Variants in DAB2 observed in about 807,000 individuals in gnomAD.
DAB2 encodes disabled homolog 2.
DAB2 carries 28 observed loss-of-function variants against 71.6 expected under a neutral mutation model. The ratio of observed to expected loss-of-function variants is 0.39; its 90% CI spans 0.29 to 0.54. The LOEUF is 0.54. DAB2 is among the 20% of genes least tolerant of loss of function. The pLI, the probability that DAB2 is intolerant of heterozygous loss-of-function variation, is 0.68. For synonymous variants in DAB2, 345 were observed against 339.7 expected (o/e 1.02, Z -0.17); for missense variants, 867 against 928.8 (o/e 0.93, Z 0.86).
intron 1 of DAB2, among the ~76,000 whole-genome samples, chr5:39,416,852 G>A (rs542289734): frequency 5.3e-5 from 8 of 152,160 alleles, no homozygotes; most frequent in East Asian, 1.9e-4. Flanking sequence ...TGAGCAGTGC[G>A]CTTAAAACAT....
Position 39,382,956 on chromosome 5 carries a change from G to A in DAB2, c.1003C>T (p.Pro335Ser), listed in dbSNP as rs145888939. 9.9e-4 allele frequency: 1,595 copies of A among 1,614,098 alleles called. 3 individuals are homozygous for A. The highest frequency in any genetic ancestry group is 1.3e-3 in the Non-Finnish European group (1,505 of 1,180,010). The change falls in exon 10 of 15, where the codon CCC becomes TCC. Residue 335 changes from proline to serine, a missense_variant. Transcript: ENST00000320816. The part of the protein sequence containing the change: ...SSSSTPLSNG[P>S]LNGDVDYFGQ... ...AAGTAGTCAACATCACCATTCAGGG[G>A]CCCATTACTCAGCGGAGTAGACGAG... is the stretch of plus-strand genomic sequence containing the variant.
intron 5 of DAB2, 69 bp from the exon 6 acceptor site, chr5:39,390,001 AT>A (rs1322702786): frequency 9.0e-7 from 1 of 1,115,952 alleles, no homozygotes; most frequent in African/African-American, 1.6e-5. Flanking sequence ...TCTGCTATCA[AT>A]TATAATTCAT....
rs377623856 is a variant in DAB2, at chr5:39,390,767, G to A, written c.331-192C>T. 1.4e-3 allele frequency among the ~76,000 whole-genome samples: 206 copies of A among 152,242 alleles called. 11 individuals are homozygous for A. The South Asian group carries it at 0.04, about 29-fold the overall frequency. ...AAAGGGCTCAAAAGAAAGAAGAATA[G>A]AAAACGTAAGTGGGAAGAATGTTCC... is the stretch of plus-strand genomic sequence containing the variant. On this transcript the variant is annotated intron_variant, in intron 4 of 14. Coordinates refer to ENST00000320816, the MANE Select transcript of DAB2 (RefSeq NM_001343.4).
chr5:39,389,971 T>A, intron 5 of DAB2, 39 bp from the exon 6 acceptor site: 1 of 1,360,712 alleles, frequency 7.3e-7, no homozygotes, highest in Non-Finnish European at 1.0e-6. Context: ...TATTTTAATT[T>A]TAGTATTTTA....
chr5:39,412,246 A>T (rs1452167975), intron 1 of DAB2, among the ~76,000 whole-genome samples: 1 of 152,076 alleles, frequency 6.6e-6, no homozygotes, highest in Non-Finnish European at 1.5e-5. Flanking sequence ...TGAAACCATG[A>T]TTATGACAAA....
chr5:39,375,890 A>T (rs1437751792), intron 13 of DAB2, 107 bp downstream of exon 13: 1 of 850,656 alleles, frequency 1.2e-6, no homozygotes, highest in Non-Finnish European at 1.8e-6. Context: ...TGTCTTAAAA[A>T]AATAAATAAA....
chr5:39,377,004 G>A lies in DAB2; in HGVS notation c.1783C>T (p.Gln595Ter). The A allele has an allele frequency of 6.2e-7, 1 of 1,614,108 alleles. No individual in the cohort carries two copies. Among genetic ancestry groups the A allele is most frequent in the Non-Finnish European group, 8.5e-7 (1 of 1,180,026 alleles). The change falls in exon 12 of 15, where the codon CAG (glutamine) becomes TAG (stop). Residue 595 changes from glutamine to a stop codon, truncating the protein, a stop_gained. Coordinates refer to ENST00000320816, the MANE Select transcript of DAB2 (RefSeq NM_001343.4). LOFTEE classifies it high-confidence loss of function. The stretch of plus-strand genomic sequence containing the variant: ...GCAGGAGCTGGAAAAATATTGCTCT[G>A]AAAAGGATTCCCCAAAGGGCTTGTT... ...STTSPLGNPFQSNIFPAPAVS... is the reference protein window; with the variant it reads ...STTSPLGNPF
At position 39,376,799 on chromosome 5, in the gene DAB2, G is replaced by A; in HGVS notation, c.1988C>T (p.Pro663Leu). ...EMFKDFQLRQ[P>L]PAVPARKGEQ... ...TCCCTTCCGCGCGGGCACAGCAGGTGGCTGCCGCAGTTGGAAATCCTTAAA... is the reference window on the plus strand; with the variant it reads ...TCCCTTCCGCGCGGGCACAGCAGGTAGCTGCCGCAGTTGGAAATCCTTAAA... Residue 663 changes from proline (P) to leucine (L), a missense_variant, in exon 12 of 15, where the codon CCA (proline) becomes CTA (leucine). Physicochemically the swap from Pro to Leu is moderately conservative, Grantham distance 98. Transcript: ENST00000320816. The A allele has an allele frequency of 6.2e-7, 1 of 1,614,130 alleles. No individual in the cohort carries two copies. The highest frequency in any genetic ancestry group is 8.5e-7 in the Non-Finnish European group (1 of 1,180,018).
intron 9 of DAB2, among the ~76,000 whole-genome samples, chr5:39,384,468 C>G (rs1755051224): frequency 6.6e-6 from 1 of 152,164 alleles, no homozygotes; most frequent in South Asian, 2.1e-4. Flanking sequence ...AGGTTGACCA[C>G]AGACTTAATT....
intron 5 of DAB2, 62 bp from the exon 6 acceptor site, chr5:39,389,994 G>T: frequency 8.6e-7 from 1 of 1,168,746 alleles, no homozygotes; most frequent in South Asian, 1.5e-5. Flanking sequence ...TCCTTTGTCT[G>T]CTATCAATTA....
intron 1 of DAB2, chr5:39,417,214 T>A (rs557249835): frequency 2.0e-5 from 3 of 152,066 alleles, no homozygotes; most frequent in African/African-American, 7.2e-5. Context: ...GGTTGATGGA[T>A]GCAGCAAACC....
At chr5:39,396,772 G>T (rs889049571) in intron 1 of DAB2, among the ~76,000 whole-genome samples, 6 of 152,208 alleles carry the variant, frequency 3.9e-5, no homozygotes, top group African/African-American at 1.4e-4. Context: ...TTTGGGGAGA[G>T]GGTGAGAACA....
intron 1 of DAB2, among the ~76,000 whole-genome samples, chr5:39,402,572 A>G (rs1217948753): frequency 6.6e-6 from 1 of 152,062 alleles, no homozygotes; most frequent in Non-Finnish European, 1.5e-5. Flanking sequence ...ATCAGCCACC[A>G]CACCTGGCCA....
In DAB2 at chr5:39,382,860, A is replaced by G. The variant is rs1370030941; in HGVS notation, c.1099T>C (p.Ser367Pro). 1 of 1,613,998 alleles carries G rather than the reference A, an allele frequency of 6.2e-7. No homozygotes were observed. Among genetic ancestry groups the G allele is most frequent in the East Asian group, 2.2e-5 (1 of 44,886 alleles). Residue 367 changes from serine to proline, a missense_variant, in exon 10 of 15, where the codon TCA becomes CCA. Ser to Pro is a moderately conservative substitution (Grantham distance 74, BLOSUM62 -1). Transcript: ENST00000320816. ...QEAQAGPWPFSSSQTQPAVRT... is the reference protein window; with the variant it reads ...QEAQAGPWPFPSSQTQPAVRT... ...ACTGCTGGCTGGGTTTGCGAACTTG[A>G]AAAGGGCCATGGGCCTGCCTGAGCT... is the stretch of plus-strand genomic sequence containing the variant.
At chr5:39,388,460 T>C (rs1419404435) in intron 8 of DAB2, 93 bp from the exon 9 acceptor site, 20 of 906,202 alleles carry the variant, frequency 2.2e-5, no homozygotes, top group Non-Finnish European at 3.4e-5. Context: ...TTTAGGAAAG[T>C]AGCTGTCACA....
chr5:39,388,884 T>C (rs1157496749), intron 7 of DAB2, 32 bp from the exon 8 acceptor site: 1 of 1,573,974 alleles, frequency 6.4e-7, no homozygotes, highest in African/African-American at 1.3e-5. Context: ...AAGGATTTAG[T>C]TGAGCTTTGT....
intron 9 of DAB2, among the ~76,000 whole-genome samples, chr5:39,386,689 G>C (rs921230168): frequency 6.6e-6 from 1 of 152,146 alleles, no homozygotes; most frequent in Non-Finnish European, 1.5e-5. Context: ...CATTCTAGAA[G>C]TCTACAGAAG....
chr5:39,377,799 A>G (rs1240450787), intron 11 of DAB2, among the ~76,000 whole-genome samples: 4 of 152,198 alleles, frequency 2.6e-5, no homozygotes, highest in Non-Finnish European at 4.4e-5. Flanking sequence ...GAAACCAGCA[A>G]TCACACATGT....
At chr5:39,376,424 A>T (rs1455889870) in intron 12 of DAB2, among the ~76,000 whole-genome samples, 1 of 152,132 alleles carries the variant, frequency 6.6e-6, no homozygotes, top group Non-Finnish European at 1.5e-5. Context: ...CCCTTTTAAG[A>T]TTTATCACTA....
Sources: allele counts gnomAD v4.1 joint callset (sites outside exome capture counted in the v4.1 genomes callset), GRCh38; gene constraint gnomAD v4.1.1; transcripts MANE v1.5; gene names NCBI Gene and HGNC (gene_info 2026-07-23, HGNC 2026-07-21).